HMCN1: variants seen among roughly 807,000 people sequenced by gnomAD.
HMCN1 encodes the protein hemicentin 1, also known as hemicentin-1.
A neutral mutation model predicts 625.9 loss-of-function variants in HMCN1; 321 were observed. The ratio of observed to expected loss-of-function variants is 0.51; its 90% CI spans 0.47 to 0.56. The LOEUF (loss-of-function observed/expected upper bound fraction) is 0.56, where lower values mean the gene tolerates loss of function less well. HMCN1 is among the 20% of genes least tolerant of loss of function. HMCN1 has a pLI of 0.00. For missense variants in HMCN1, 6,588 were observed against 6,887.3 expected, an observed-to-expected ratio of 0.96 and a Z score of 1.54; for synonymous variants, 2,425 against 2,417.6, an observed-to-expected ratio of 1.00 and a Z score of -0.09.
chr1:185,947,695 GT>G (rs1668415867), intron 11 of HMCN1, among the ~76,000 whole-genome samples: 1 of 152,136 alleles, frequency 6.6e-6, no homozygotes, highest in African/African-American at 2.4e-5. Context: ...TGGTTGATTG[GT>G]TTTAGTTTTC....
At chr1:185,928,494 A>C in intron 9 of HMCN1, 52 bp from the exon 10 acceptor site, 7 of 1,490,238 alleles carry the variant, frequency 4.7e-6, no homozygotes, top group Non-Finnish European at 6.5e-6. Flanking sequence ...CATTGCTTTC[A>C]ACTTGGTCTT....
chr1:185,877,038 C>T (rs1663983733), intron 4 of HMCN1, among the ~76,000 whole-genome samples: 1 of 151,932 alleles, frequency 6.6e-6, no homozygotes, highest in Admixed American at 6.6e-5. Flanking sequence ...TTTATAGTTT[C>T]AGGTCTTACA....
chr1:185,751,080 GATTTA>G (rs1462331413), intron 1 of HMCN1, among the ~76,000 whole-genome samples: 1 of 151,996 alleles, frequency 6.6e-6, no homozygotes, highest in African/African-American at 2.4e-5. Flanking sequence ...TGTTTCCTTA[GATTTA>G]ATTTGTTTGT....
chr1:185,796,884 C>T (rs1474951791), intron 1 of HMCN1, among the ~76,000 whole-genome samples: 5 of 152,092 alleles, frequency 3.3e-5, no homozygotes, highest in Admixed American at 6.6e-5. Flanking sequence ...CTGGATCAAA[C>T]GGTAGATCTA....
chr1:185,949,590 C>A (rs1367115341), intron 11 of HMCN1, among the ~76,000 whole-genome samples: 1 of 151,870 alleles, frequency 6.6e-6, no homozygotes, highest in Admixed American at 6.6e-5. Flanking sequence ...GCCTGAAAAA[C>A]TGCTTGGCTG....
rs747582812 is a variant in HMCN1 at position 185,970,409 on chromosome 1, C to T, written c.2287C>T (p.Gln763Ter). The part of the protein sequence containing the change: ...LLGLLKIQET[Q>*]DLDAGDYTCV... ...GGGACTTTTGAAGATTCAAGAAACA[C>T]AAGATCTGGATGCTGGCGATTATAC... The change falls in exon 15 of 107, where the codon CAA (glutamine) becomes TAA (stop). Residue 763 changes from glutamine to a stop codon, truncating the protein, a stop_gained. Coordinates refer to ENST00000271588, the MANE Select transcript of HMCN1 (RefSeq NM_031935.3). LOFTEE classifies it high-confidence loss of function. The T allele has an allele frequency of 6.2e-7, 1 of 1,613,528 alleles. No individual in the cohort carries two copies. Among genetic ancestry groups the T allele is most frequent in the Admixed American group, 1.7e-5 (1 of 60,020 alleles).
At chr1:185,942,051 C>T (rs932429857) in intron 11 of HMCN1, among the ~76,000 whole-genome samples, 5 of 151,504 alleles carry the variant, frequency 3.3e-5, no homozygotes, top group African/African-American at 4.8e-5. Context: ...ATTAGCCAGG[C>T]GTGGTGGCAC....
intron 1 of HMCN1, among the ~76,000 whole-genome samples, chr1:185,819,030 A>T (rs557453634): frequency 1.4e-4 from 21 of 151,910 alleles, no homozygotes; most frequent in African/African-American, 5.1e-4. Context: ...CAAGGTCAGG[A>T]GTTCGAGACC....
At chr1:186,151,805 A>C in intron 95 of HMCN1, 62 bp downstream of exon 95, 3 of 1,511,730 alleles carry the variant, frequency 2.0e-6, no homozygotes, top group Non-Finnish European at 2.8e-6. Context: ...ATAGGTGATT[A>C]AGAAAAATAC....
chr1:186,153,779 T>C lies in HMCN1; in HGVS notation c.15048T>C (p.Gly5016=). Residue 5016 remains glycine, a synonymous_variant, in exon 97 of 107, where the codon GGT becomes GGC. Coordinates refer to ENST00000271588, the MANE Select transcript of HMCN1 (RefSeq NM_031935.3). The part of the protein sequence containing the change: ...KDYTEDYIQT[G]PGQLYAYSTR... ...ACACAGAGGACTACATTCAAACAGG[T>C]CCTGGGCAGCTGTACGCCTACTCAA... is the stretch of plus-strand genomic sequence containing the variant. 3 of 1,614,092 alleles carry C rather than the reference T, an allele frequency of 1.9e-6. No homozygotes were observed. Among genetic ancestry groups the C allele is most frequent in the Non-Finnish European group, 2.5e-6 (3 of 1,180,006 alleles).
At chr1:185,962,750 T>C (rs1343471834) in intron 12 of HMCN1, 91 bp downstream of exon 12, 1 of 797,944 alleles carries the variant, frequency 1.3e-6, no homozygotes, top group Non-Finnish European at 2.3e-6. Flanking sequence ...ATCCCTAATA[T>C]TAAGGGAGGT....
At chr1:185,823,310 T>G (rs775903359) in intron 1 of HMCN1, among the ~76,000 whole-genome samples, 42 of 152,138 alleles carry the variant, frequency 2.8e-4, no homozygotes, top group Non-Finnish European at 8.8e-5. Flanking sequence ...CCAGCAAAAT[T>G]TTAAATATTT....
chr1:185,779,840 G>A (rs1044008613), intron 1 of HMCN1, among the ~76,000 whole-genome samples: 5 of 152,070 alleles, frequency 3.3e-5, no homozygotes, highest in African/African-American at 1.2e-4. Flanking sequence ...GCTCTTTTTT[G>A]GTTCCATATG....
At chr1:186,093,020 G>T in intron 64 of HMCN1, 114 bp from the exon 65 acceptor site, 1 of 1,396,462 alleles carries the variant, frequency 7.2e-7, no homozygotes, top group Non-Finnish European at 1.0e-6. Context: ...TAGAATTTCA[G>T]TTGGTTGCTT....
intron 9 of HMCN1, among the ~76,000 whole-genome samples, chr1:185,926,695 G>A (rs1369395604): frequency 1.3e-5 from 2 of 152,152 alleles, no homozygotes; most frequent in Admixed American, 6.5e-5. Context: ...AGGCATGAGT[G>A]ATGATAGACT....
At chr1:186,053,235 C>T (rs1657086953) in intron 43 of HMCN1, among the ~76,000 whole-genome samples, 161 bp downstream of exon 43, 2 of 152,046 alleles carry the variant, frequency 1.3e-5, no homozygotes, top group Non-Finnish European at 2.9e-5. Context: ...ACATGTGATA[C>T]TTCTACACTT....
chr1:186,104,350 T>A (rs1452364885), intron 69 of HMCN1, among the ~76,000 whole-genome samples: 1 of 152,212 alleles, frequency 6.6e-6, no homozygotes, highest in Admixed American at 6.5e-5. Context: ...GTGCTTAGAC[T>A]GGTGCCACAG....
intron 1 of HMCN1, among the ~76,000 whole-genome samples, chr1:185,741,039 G>A (rs1213779237): frequency 6.6e-6 from 1 of 152,042 alleles, no homozygotes; most frequent in African/African-American, 2.4e-5. Context: ...GTTAAAAAGA[G>A]TCTGGCTTCC....
chr1:185,812,540 A>G (rs1659591314), intron 1 of HMCN1, among the ~76,000 whole-genome samples: 1 of 152,194 alleles, frequency 6.6e-6, no homozygotes, highest in African/African-American at 2.4e-5. Context: ...CTGAGAAGTG[A>G]AAATTGTAAG....
Sources: gnomAD v4.1 joint callset for allele counts (sites outside exome capture counted in the v4.1 genomes callset) on GRCh38, gnomAD v4.1.1 for gene constraint, MANE v1.5 for transcripts, NCBI Gene and HGNC (gene_info 2026-07-23, HGNC 2026-07-21) for gene names.